The following MAML3 variants were observed in gnomAD, a reference collection of about 807,000 sequenced individuals.
The protein encoded by MAML3 is mastermind-like protein 3.
Under a neutral mutation model 101.9 loss-of-function variants are expected in MAML3, and 27 were observed. That is an observed-to-expected ratio of 0.27 (90% confidence interval 0.20 to 0.37). The LOEUF is 0.37. Ranked by LOEUF, MAML3 falls within the 10% of genes least tolerant of loss-of-function variation. MAML3 has a pLI of 1.00. For missense variants in MAML3, 1,316 were observed against 1,444.9 expected, an observed-to-expected ratio of 0.91 and a Z score of 1.45; for synonymous variants, 501 against 555.9, an observed-to-expected ratio of 0.90 and a Z score of 1.39.
chr4:139,889,882 C>A lies in MAML3; in HGVS notation c.1554G>T (p.Trp518Cys). 1.9e-6 allele frequency: 3 copies of A among 1,612,924 alleles called. No homozygotes were observed. Among genetic ancestry groups the A allele is most frequent in the Non-Finnish European group, 2.5e-6 (3 of 1,179,734 alleles). ...QQQHSNQTSN[W>C]SPLGPPSSPY... ...GACTAGAGGGAGGTCCTAAGGGAGA[C>A]CAATTTGAAGTCTGATTTGAGTGCT... The change falls in exon 2 of 5, where the codon TGG (tryptophan) becomes TGT (cysteine). Residue 518 changes from tryptophan to cysteine, a missense_variant. Transcript: ENST00000509479.
chr4:139,792,398 A>T (rs1730431076), intron 2 of MAML3, among the ~76,000 whole-genome samples: 1 of 152,220 alleles, frequency 6.6e-6, no homozygotes. Flanking sequence ...AAAAATATTT[A>T]GGATAAAAAT....
chr4:139,920,794 G>A (rs1431454274), intron 1 of MAML3, among the ~76,000 whole-genome samples: 2 of 152,168 alleles, frequency 1.3e-5, no homozygotes, highest in Non-Finnish European at 1.5e-5. Context: ...ACTGGAGTCC[G>A]CAGGATGACT....
At chr4:139,839,306 G>A (rs761160354) in intron 2 of MAML3, among the ~76,000 whole-genome samples, 13 of 152,006 alleles carry the variant, frequency 8.6e-5, no homozygotes, top group African/African-American at 1.9e-4. Context: ...CAGATCCTCC[G>A]GGAGCAAGGG....
rs1273450669 is a variant in MAML3 at position 139,718,650 on chromosome 4, C to T, written c.*673G>A. ...CCTGCTCCAAACTCAGCCTGCTCTCCTTGTGACAGCAGAGCCTTTGCAATT... is the reference window on the plus strand; with the variant it reads ...CCTGCTCCAAACTCAGCCTGCTCTCTTTGTGACAGCAGAGCCTTTGCAATT... On this transcript the variant is annotated 3_prime_UTR_variant, in exon 5 of 5. Coordinates refer to ENST00000509479, the MANE Select transcript of MAML3 (RefSeq NM_018717.5). The T allele has an allele frequency of 6.6e-6, 1 of 152,400 alleles. No individual in the cohort carries two copies. The highest frequency in any genetic ancestry group is 1.5e-5 in the Non-Finnish European group (1 of 68,180). The allele number at this position is 152,400 out of a possible 1,614,324, so 9.4% of individuals were successfully genotyped here.
intron 1 of MAML3, among the ~76,000 whole-genome samples, chr4:140,074,550 G>T (rs1727734901): frequency 6.6e-6 from 1 of 152,216 alleles, no homozygotes; most frequent in Admixed American, 6.5e-5. Flanking sequence ...CTCATGACAG[G>T]TCGCAGTCAA....
chr4:139,925,480 T>C (rs1975768), intron 1 of MAML3, among the ~76,000 whole-genome samples: 50,770 of 152,068 alleles, frequency 0.33, 9,539 homozygotes, highest in East Asian at 0.64. Flanking sequence ...TCCACCTGCC[T>C]TGGCCTCCCA....
chr4:139,892,170 G>T (rs1732512840), intron 1 of MAML3, among the ~76,000 whole-genome samples: 1 of 152,178 alleles, frequency 6.6e-6, no homozygotes, highest in Non-Finnish European at 1.5e-5. Flanking sequence ...AGGCTCATTG[G>T]ATTAGTGCTC....
intron 1 of MAML3, among the ~76,000 whole-genome samples, chr4:140,076,937 T>A (rs951574905): frequency 6.6e-6 from 1 of 152,190 alleles, no homozygotes; most frequent in Non-Finnish European, 1.5e-5. Context: ...TTGCCAAGGC[T>A]GGAGTGCAGT....
intron 1 of MAML3, among the ~76,000 whole-genome samples, chr4:139,985,763 T>C (rs28687211): frequency 0.029 from 4,453 of 152,336 alleles, 209 homozygotes; most frequent in African/African-American, 0.1. Context: ...TGCCCTAGCC[T>C]GTGGGGAATT....
intron 1 of MAML3, among the ~76,000 whole-genome samples, chr4:139,989,912 G>C (rs977134772): frequency 6.6e-6 from 1 of 151,264 alleles, no homozygotes; most frequent in African/African-American, 2.4e-5. Context: ...AAGAGAGAGA[G>C]AGAGATTCAC....
intron 2 of MAML3, among the ~76,000 whole-genome samples, chr4:139,795,684 C>A (rs1374493321): frequency 6.6e-6 from 1 of 152,210 alleles, no homozygotes; most frequent in East Asian, 1.9e-4. Context: ...CACAGAGATG[C>A]AGTGTCTTGA....
chr4:139,814,978 C>T lies in MAML3; in HGVS notation c.2079+74379G>A, dbSNP rs147302954. Among the ~76,000 whole-genome samples the T allele has an allele frequency of 2.6e-4, 39 of 152,228 alleles. No homozygotes were observed. In the East Asian group the frequency reaches 6.2e-3, roughly 24 times the overall value. On this transcript the variant is annotated intron_variant, in intron 2 of 4. Transcript: ENST00000509479. ...TAGGGTTTAGAGTCTAATGAGGCAG[C>T]ATTAGATAGGCCAAGGAAAAGTCAC...
intron 1 of MAML3, among the ~76,000 whole-genome samples, chr4:139,911,053 C>T (rs1732909764): frequency 6.6e-6 from 1 of 152,174 alleles, no homozygotes; most frequent in Admixed American, 6.5e-5. Flanking sequence ...TCATCCTCTC[C>T]ATTCCCCGGA....
At chr4:140,088,556 A>G (rs113445464) in intron 1 of MAML3, among the ~76,000 whole-genome samples, 25 of 152,174 alleles carry the variant, frequency 1.6e-4, no homozygotes, top group East Asian at 5.8e-4. Flanking sequence ...TCTTTGTCCT[A>G]TTCTACGTGG....
chr4:139,737,307 T>C (rs572912201), intron 2 of MAML3, among the ~76,000 whole-genome samples: 1 of 151,542 alleles, frequency 6.6e-6, no homozygotes, highest in African/African-American at 2.4e-5. Context: ...TTTAACTCAT[T>C]TTGTTGATTT....
intron 1 of MAML3, among the ~76,000 whole-genome samples, chr4:139,969,551 T>C (rs1734198507): frequency 6.6e-6 from 1 of 152,198 alleles, no homozygotes. Flanking sequence ...GGTATTAAAA[T>C]GTAGACATAT....
Position 139,790,977 on chromosome 4 carries a change from T to C in MAML3, c.2080-60310A>G, listed in dbSNP as rs764927686. On this transcript the variant is annotated intron_variant, in intron 2 of 4. Transcript: ENST00000509479. ...TCTGGGAGTTTTGCAGAAGAGATGA[T>C]ATCATTTAAAGAGACCAGATTAGCA... Among the ~76,000 whole-genome samples, 4 of 152,210 alleles carry C rather than the reference T, an allele frequency of 2.6e-5. No homozygotes were observed. In the South Asian group the frequency reaches 8.3e-4, roughly 32 times the overall value.
intron 1 of MAML3, among the ~76,000 whole-genome samples, chr4:139,943,973 C>T (rs1040658384): frequency 4.1e-5 from 6 of 146,228 alleles, no homozygotes; most frequent in East Asian, 4.1e-4. Context: ...CGGGTTCAAG[C>T]GATTCTCCTG....
intron 1 of MAML3, among the ~76,000 whole-genome samples, chr4:140,015,431 C>A (rs542528019): frequency 6.6e-6 from 1 of 152,064 alleles, no homozygotes; most frequent in Non-Finnish European, 1.5e-5. Context: ...TTATAATATT[C>A]GAACTTCTTT....
Sources: allele counts gnomAD v4.1 joint callset (sites outside exome capture counted in the v4.1 genomes callset), GRCh38; gene constraint gnomAD v4.1.1; transcripts MANE v1.5; gene names NCBI Gene and HGNC (gene_info 2026-07-23, HGNC 2026-07-21).